ICA1: variants seen among roughly 807,000 people sequenced by gnomAD.
ICA1 encodes the protein 69 kDa islet cell autoantigen.
Under a neutral mutation model 71.0 loss-of-function variants are expected in ICA1, and 40 were observed. The ratio of observed to expected loss-of-function variants is 0.56; its 90% CI spans 0.44 to 0.73. ICA1 has a LOEUF of 0.73. Among genes scored for constraint, ICA1 ranks in the 30% least tolerant of loss-of-function variants. The pLI is 0.00. For synonymous variants in ICA1, 207 were observed against 209.5 expected (o/e 0.99, Z 0.10); for missense variants, 578 against 576.5 (o/e 1.00, Z -0.03).
Position 8,154,374 on chromosome 7 carries a change from C to G in ICA1, c.804+2742G>C, listed in dbSNP as rs149773745. On this transcript the variant is annotated intron_variant, in intron 8 of 13. Coordinates refer to ENST00000402384, the MANE Select transcript of ICA1 (RefSeq NM_001136020.3). ...ACTTGTCCCTCCAAACAGGATGCAC[C>G]GAGTGTTTAACACATTAATTATCAT... Among the ~76,000 whole-genome samples, 654 of 152,244 alleles carry G rather than the reference C, an allele frequency of 4.3e-3. 5 individuals carry two copies. The highest frequency in any genetic ancestry group is 0.015 in the African/African-American group (641 of 41,544).
chr7:8,177,502 A>G (rs1472658674), intron 6 of ICA1, among the ~76,000 whole-genome samples: 1 of 152,300 alleles, frequency 6.6e-6, no homozygotes, highest in African/African-American at 2.4e-5. Context: ...TTTCAGCAGA[A>G]ATTCTTCAGT....
At chr7:8,258,999 T>C (rs1449535187) in intron 1 of ICA1, among the ~76,000 whole-genome samples, 1 of 152,196 alleles carries the variant, frequency 6.6e-6, no homozygotes, top group Non-Finnish European at 1.5e-5. Flanking sequence ...AGGCTCATTT[T>C]AGAGTAGTGT....
At chr7:8,190,395 T>C (rs114571838) in intron 6 of ICA1, among the ~76,000 whole-genome samples, 218 of 152,094 alleles carry the variant, frequency 1.4e-3, no homozygotes, top group African/African-American at 5.0e-3. Context: ...TTCCATAAAC[T>C]CACAAATGTT....
intron 10 of ICA1, among the ~76,000 whole-genome samples, chr7:8,141,292 T>C (rs2128124224): frequency 6.6e-6 from 1 of 152,328 alleles, no homozygotes; most frequent in South Asian, 2.1e-4. Context: ...TGCTTGGCAC[T>C]GGCAGGCTGA....
chr7:8,156,929 TAAAAAAAAAAAAAAA>T (rs67144473), intron 8 of ICA1, 172 bp downstream of exon 8: 15 of 1,519,698 alleles, frequency 9.9e-6, no homozygotes, highest in South Asian at 1.3e-5. Context: ...CCTGATGCAG[TAAAAAAAAAAAAAAA>T]AAAAAAAAAA....
intron 6 of ICA1, among the ~76,000 whole-genome samples, chr7:8,182,838 A>T (rs975928429): frequency 8.5e-5 from 13 of 152,154 alleles, no homozygotes; most frequent in Non-Finnish European, 2.9e-5. Context: ...ACCCACTGTC[A>T]CTGTAAGGTT....
chr7:8,206,699 C>T (rs1050784165), intron 6 of ICA1, among the ~76,000 whole-genome samples: 7 of 145,908 alleles, frequency 4.8e-5, no homozygotes, highest in South Asian at 2.1e-4. Flanking sequence ...CGGTTGCCAG[C>T]TTCTCCTGGA....
At chr7:8,243,825 G>A (rs994567787) in intron 1 of ICA1, among the ~76,000 whole-genome samples, 38 of 152,152 alleles carry the variant, frequency 2.5e-4, no homozygotes, top group South Asian at 1.2e-3. Context: ...CAATTGCTAC[G>A]AAGAGAATAA....
At chr7:8,195,894 C>T (rs1462293649) in intron 6 of ICA1, among the ~76,000 whole-genome samples, 1 of 152,138 alleles carries the variant, frequency 6.6e-6, no homozygotes. Context: ...AGGAGAATTG[C>T]TTGAACCCAG....
chr7:8,253,817 A>G (rs1389886113), intron 1 of ICA1, among the ~76,000 whole-genome samples: 1 of 152,146 alleles, frequency 6.6e-6, no homozygotes, highest in Non-Finnish European at 1.5e-5. Context: ...ATACAGAGGG[A>G]TGACTTTAAT....
At chr7:8,156,809 C>A in intron 8 of ICA1, 2 of 1,472,136 alleles carry the variant, frequency 1.4e-6, no homozygotes, top group Non-Finnish European at 9.0e-7. Context: ...AGGAGCAGGA[C>A]CAATCATTAG....
intron 6 of ICA1, among the ~76,000 whole-genome samples, chr7:8,199,741 A>G (rs553290432): frequency 4.2e-4 from 64 of 152,242 alleles, no homozygotes; most frequent in African/African-American, 1.4e-3. Context: ...AAAAGAATGA[A>G]TTCCTGTCGT....
chr7:8,126,695 T>C (rs1014494112), intron 13 of ICA1, among the ~76,000 whole-genome samples: 2 of 152,178 alleles, frequency 1.3e-5, no homozygotes, highest in African/African-American at 4.8e-5. Context: ...TGCTGTTTAT[T>C]AGGGAGACAG....
At chr7:8,217,167 A>C (rs1443950538) in intron 6 of ICA1, among the ~76,000 whole-genome samples, 2 of 152,230 alleles carry the variant, frequency 1.3e-5, no homozygotes, top group Non-Finnish European at 2.9e-5. Flanking sequence ...ATTTTCTATG[A>C]TTCAGAAGCC....
At chr7:8,117,810 C>T (rs1785259987) in intron 13 of ICA1, among the ~76,000 whole-genome samples, 1 of 152,138 alleles carries the variant, frequency 6.6e-6, no homozygotes, top group Non-Finnish European at 1.5e-5. Flanking sequence ...AGCAAGAATG[C>T]CACTCAGTAT....
At chr7:8,138,497 C>T (rs1424338247) in intron 12 of ICA1, among the ~76,000 whole-genome samples, 1 of 152,138 alleles carries the variant, frequency 6.6e-6, no homozygotes, top group African/African-American at 2.4e-5. Flanking sequence ...AAGTATGAAG[C>T]AAATCACTTA....
Position 8,222,754 on chromosome 7 carries a change from A to T in ICA1, c.257-1356T>A, listed in dbSNP as rs74780209. 0.011 allele frequency among the ~76,000 whole-genome samples: 1,739 copies of T among 152,294 alleles called. 23 individuals are homozygous for T. Among genetic ancestry groups the T allele is most frequent in the African/African-American group, 0.027 (1,133 of 41,566 alleles). ...TCTCTCAAAAATCAAGTTCACCATC[A>T]AAGGCCTGCTCGCAGGTTCCTTTCT... On this transcript the variant is annotated intron_variant, in intron 4 of 13. Transcript: ENST00000402384. This position sits in a 1 kb window ranked among gnomAD's most constrained non-coding sequence, Gnocchi z 4.8.
rs574439192 is a variant in ICA1 at position 8,190,576 on chromosome 7, G to C, written c.579+27729C>G. 2.0e-5 allele frequency among the ~76,000 whole-genome samples: 3 copies of C among 152,226 alleles called. No individual in the cohort carries two copies. The South Asian group carries it at 6.2e-4, about 32-fold the overall frequency. On this transcript the variant is annotated intron_variant, in intron 6 of 13. Coordinates refer to ENST00000402384, the MANE Select transcript of ICA1 (RefSeq NM_001136020.3). ...AGGATTCTAACACCTCACAGAAATG[G>C]TTTAGTACCAATTCAGATGGCTTAG...
intron 8 of ICA1, among the ~76,000 whole-genome samples, chr7:8,156,229 C>CA (rs1484397880): frequency 1.3e-5 from 2 of 151,860 alleles, no homozygotes; most frequent in African/African-American, 4.8e-5. Context: ...ATCTCAGAAT[C>CA]AAAAAAATGG....
Sources: allele counts gnomAD v4.1 joint callset (sites outside exome capture counted in the v4.1 genomes callset), GRCh38; gene constraint gnomAD v4.1.1; non-coding constraint Gnocchi (gnomAD v3.1); transcripts MANE v1.5; gene names NCBI Gene and HGNC (gene_info 2026-07-23, HGNC 2026-07-21).